FAM13A: variants seen among roughly 807,000 people sequenced by gnomAD.
FAM13A encodes family with sequence similarity 13 member A.
A neutral mutation model predicts 129.6 loss-of-function variants in FAM13A; 76 were observed. That is an observed-to-expected ratio of 0.59 (90% CI 0.49 to 0.71). The LOEUF (loss-of-function observed/expected upper bound fraction) is 0.71, where lower values mean the gene tolerates loss of function less well. Ranked by LOEUF, FAM13A falls within the 30% of genes least tolerant of loss-of-function variation. The pLI is 0.00. For synonymous variants in FAM13A, 443 were observed against 449.9 expected (o/e 0.98, Z 0.20); for missense variants, 1,108 against 1,249.3 (o/e 0.89, Z 1.70).
intron 13 of FAM13A, among the ~76,000 whole-genome samples, chr4:88,763,276 C>T (rs1259923561): frequency 3.2e-5 from 3 of 93,080 alleles, no homozygotes; most frequent in East Asian, 2.9e-4. Context: ...CTTTCCCATT[C>T]GTTCATTCAT....
At chr4:88,971,807 G>A (rs1260298990) in intron 4 of FAM13A, among the ~76,000 whole-genome samples, 1 of 152,152 alleles carries the variant, frequency 6.6e-6, no homozygotes, top group Non-Finnish European at 1.5e-5. Flanking sequence ...ACCGCTCCTG[G>A]AACACTTCTA....
In FAM13A at chr4:88,804,860, G is replaced by GA. The variant is rs1228313047; in HGVS notation, c.1049+150dup. The GA allele has an allele frequency of 1.4e-4, 88 of 609,954 alleles. No homozygotes were observed. The East Asian group carries it at 2.7e-3, about 19-fold the overall frequency. The allele number at this position is 609,954 out of a possible 1,614,324, so 37.8% of individuals were successfully genotyped here. On this transcript the variant is annotated intron_variant, in intron 8 of 23. Coordinates refer to ENST00000264344, the MANE Select transcript of FAM13A (RefSeq NM_014883.4). ...AAAAAAAATTTCTTGAACCAAAGGGGAAAATACAGTAAGGTGAAGAGCTCC... is the reference window on the plus strand; with the variant it reads ...AAAAAAAATTTCTTGAACCAAAGGGGAAAAATACAGTAAGGTGAAGAGCTCC...
At chr4:88,922,842 A>ATT (rs1751365142) in intron 5 of FAM13A, among the ~76,000 whole-genome samples, 2 of 152,160 alleles carry the variant, frequency 1.3e-5, no homozygotes, top group Non-Finnish European at 2.9e-5. Flanking sequence ...AATCAAATAG[A>ATT]CGCAATAAAA....
At position 88,922,387 on chromosome 4, in the gene FAM13A, A is replaced by G. The variant is rs909943279; in HGVS notation, c.759+15701T>C. On this transcript the variant is annotated intron_variant, in intron 5 of 23. Transcript: ENST00000264344. ...CAGTGCAATCAAACTAGAACTCAGG[A>G]TTAAGAAACTCACTCAAAACCGCTC... is the stretch of plus-strand genomic sequence containing the variant. 2.5e-3 allele frequency among the ~76,000 whole-genome samples: 382 copies of G among 152,300 alleles called. 2 individuals carry two copies. The highest frequency in any genetic ancestry group is 8.6e-3 in the African/African-American group (359 of 41,558).
At chr4:88,791,392 T>C (rs181261487) in intron 8 of FAM13A, among the ~76,000 whole-genome samples, 5 of 152,222 alleles carry the variant, frequency 3.3e-5, no homozygotes, top group African/African-American at 9.6e-5. Context: ...GCTTCAGAAC[T>C]TTCCCCCTCA....
chr4:88,898,273 G>C (rs1277377561), intron 6 of FAM13A, among the ~76,000 whole-genome samples: 1 of 151,868 alleles, frequency 6.6e-6, no homozygotes, highest in African/African-American at 2.4e-5. Context: ...CAAATCCCAT[G>C]TTTTTTTCCC....
At chr4:88,925,439 G>C (rs1227002664) in intron 5 of FAM13A, among the ~76,000 whole-genome samples, 1 of 151,510 alleles carries the variant, frequency 6.6e-6, no homozygotes, top group African/African-American at 2.4e-5. Flanking sequence ...ATCATTCTCA[G>C]TAAACTATCG....
intron 4 of FAM13A, among the ~76,000 whole-genome samples, chr4:88,972,529 G>A (rs11942849): frequency 0.014 from 2,153 of 151,944 alleles, 58 homozygotes; most frequent in African/African-American, 0.048. Flanking sequence ...TCAAACTCCT[G>A]ACCTCAAGTG....
At chr4:89,010,454 G>A (rs916902664) in intron 3 of FAM13A, among the ~76,000 whole-genome samples, 6 of 151,920 alleles carry the variant, frequency 3.9e-5, no homozygotes, top group Non-Finnish European at 8.8e-5. Context: ...GCCACAGAAA[G>A]TTCCTAGAAA....
chr4:88,771,374 T>G (rs1460987160), intron 11 of FAM13A, among the ~76,000 whole-genome samples: 1 of 152,128 alleles, frequency 6.6e-6, no homozygotes, highest in Non-Finnish European at 1.5e-5. Context: ...GTCAAAATAA[T>G]GCTGAAATGC....
At chr4:88,891,338 C>T (rs993062956) in intron 6 of FAM13A, among the ~76,000 whole-genome samples, 15 of 152,026 alleles carry the variant, frequency 9.9e-5, no homozygotes, top group Admixed American at 2.0e-4. Context: ...TTGGGAGGCA[C>T]GAACATGGGA....
chr4:89,029,919 T>G, intron 1 of FAM13A: 1 of 401,866 alleles, frequency 2.5e-6, no homozygotes, highest in Non-Finnish European at 4.4e-6. Context: ...TAAGATATAT[T>G]ACTACAGTAA....
chr4:88,862,215 A>G (rs1327636018), intron 6 of FAM13A, among the ~76,000 whole-genome samples: 1 of 152,258 alleles, frequency 6.6e-6, no homozygotes, highest in Non-Finnish European at 1.5e-5. Context: ...ACAGGTGTTA[A>G]GTAATGACTG....
intron 11 of FAM13A, among the ~76,000 whole-genome samples, chr4:88,775,165 G>A (rs1439650294): frequency 6.6e-6 from 1 of 152,164 alleles, no homozygotes; most frequent in East Asian, 1.9e-4. Flanking sequence ...ATTGTGGTAT[G>A]AGGACAAGGA....
At chr4:88,807,951 A>C (rs1728912232) in intron 7 of FAM13A, among the ~76,000 whole-genome samples, 1 of 152,196 alleles carries the variant, frequency 6.6e-6, no homozygotes, top group African/African-American at 2.4e-5. Flanking sequence ...TAAAAAAGAA[A>C]ATGTAAGCAC....
Position 88,738,981 on chromosome 4 carries a change from A to T in FAM13A, c.2562+49T>A, listed in dbSNP as rs771098241. On this transcript the variant is annotated intron_variant, in intron 20 of 23. Transcript: ENST00000264344. ...GGCCCTATTCATATATCCAGGGCCC[A>T]TTCAAGCGGAAAGGTGTTGTACCAG... 4.1e-6 allele frequency: 5 copies of T among 1,207,984 alleles called. No homozygotes were observed. In the African/African-American group the frequency reaches 6.0e-5, roughly 14 times the overall value. The allele number at this position is 1,207,984 out of a possible 1,614,324, so 74.8% of individuals were successfully genotyped here.
intron 6 of FAM13A, among the ~76,000 whole-genome samples, chr4:88,852,522 G>C (rs1737765470): frequency 6.6e-6 from 1 of 152,058 alleles, no homozygotes; most frequent in African/African-American, 2.4e-5. Context: ...CTACCACATA[G>C]TCTACCCTTG....
chr4:89,014,358 G>A (rs1238591740), intron 3 of FAM13A, among the ~76,000 whole-genome samples: 1 of 152,126 alleles, frequency 6.6e-6, no homozygotes, highest in African/African-American at 2.4e-5. Context: ...AAAAACTGGG[G>A]AAATAATTCT....
At chr4:88,776,905 G>T (rs546558261) in intron 11 of FAM13A, among the ~76,000 whole-genome samples, 3 of 151,948 alleles carry the variant, frequency 2.0e-5, no homozygotes, top group Non-Finnish European at 4.4e-5. Context: ...ACCCGGGAGG[G>T]GGAGGTTGCA....
Sources: allele counts gnomAD v4.1 joint callset (sites outside exome capture counted in the v4.1 genomes callset), GRCh38; gene constraint gnomAD v4.1.1; transcripts MANE v1.5; gene names NCBI Gene and HGNC (gene_info 2026-07-23, HGNC 2026-07-21).